The following KCNH7 variants were observed in gnomAD, a reference collection of about 807,000 sequenced individuals.
The protein encoded by KCNH7 is voltage-gated inwardly rectifying potassium channel KCNH7.
A neutral mutation model predicts 120.8 loss-of-function variants in KCNH7; 49 were observed. That is an observed-to-expected ratio of 0.41 (90% CI 0.32 to 0.51). KCNH7 has a LOEUF of 0.51. Ranked by LOEUF, KCNH7 falls within the 20% of genes least tolerant of loss-of-function variation. The pLI is 0.38. For missense variants in KCNH7, 1,097 were observed against 1,446.6 expected, an observed-to-expected ratio of 0.76 and a Z score of 3.92; for synonymous variants, 547 against 516.1, an observed-to-expected ratio of 1.06 and a Z score of -0.81.
chr2:162,660,915 C>T (rs1684936774), intron 2 of KCNH7, among the ~76,000 whole-genome samples: 1 of 152,056 alleles, frequency 6.6e-6, no homozygotes, highest in South Asian at 2.1e-4. Context: ...CCAGTAGACC[C>T]CAGTATTGTC....
intron 9 of KCNH7, among the ~76,000 whole-genome samples, chr2:162,412,788 T>A (rs1687429087): frequency 6.6e-6 from 1 of 152,192 alleles, no homozygotes; most frequent in Admixed American, 6.5e-5. Flanking sequence ...AAGTGTCGTA[T>A]AATCACATAT....
intron 10 of KCNH7, among the ~76,000 whole-genome samples, chr2:162,397,307 C>T (rs1442954006): frequency 6.6e-6 from 1 of 151,602 alleles, no homozygotes; most frequent in Non-Finnish European, 1.5e-5. Context: ...ATGAGAAAGG[C>T]TGCAGTGAGT....
chr2:162,418,888 G>A (rs765966889), intron 9 of KCNH7, among the ~76,000 whole-genome samples: 2 of 151,826 alleles, frequency 1.3e-5, no homozygotes, highest in African/African-American at 2.4e-5. Flanking sequence ...TTGTTCATAG[G>A]GTCCATTACA....
At chr2:162,724,408 C>T (rs1017651396) in intron 2 of KCNH7, among the ~76,000 whole-genome samples, 14 of 152,084 alleles carry the variant, frequency 9.2e-5, no homozygotes, top group Admixed American at 2.6e-4. Context: ...CGCGGTGGCT[C>T]ACGCCTGTAA....
chr2:162,690,880 A>G (rs2105328183), intron 2 of KCNH7, among the ~76,000 whole-genome samples: 1 of 152,284 alleles, frequency 6.6e-6, no homozygotes, highest in Non-Finnish European at 1.5e-5. Flanking sequence ...GCACTATCCC[A>G]TGTGCTGGAA....
At chr2:162,795,882 A>G (rs1392634778) in intron 2 of KCNH7, 1 of 152,096 alleles carries the variant, frequency 6.6e-6, no homozygotes. Context: ...CATCCTATGT[A>G]CACAGAATTA....
chr2:162,703,684 A>G (rs1686594256), intron 2 of KCNH7, among the ~76,000 whole-genome samples: 2 of 152,186 alleles, frequency 1.3e-5, no homozygotes, highest in African/African-American at 4.8e-5. Context: ...ATTAAAAAAT[A>G]CAGAAGCATA....
intron 2 of KCNH7, among the ~76,000 whole-genome samples, chr2:162,732,254 C>G (rs529224796): frequency 2.9e-4 from 44 of 152,228 alleles, no homozygotes; most frequent in African/African-American, 1.0e-3. Context: ...AGGGGACATT[C>G]GACTCATGAC....
At chr2:162,726,105 G>C (rs1249396173) in intron 2 of KCNH7, among the ~76,000 whole-genome samples, 3 of 152,008 alleles carry the variant, frequency 2.0e-5, no homozygotes, top group Non-Finnish European at 4.4e-5. Flanking sequence ...TATCTCTTTT[G>C]ATCTATAGAT....
chr2:162,400,139 A>G (rs1270605846), intron 10 of KCNH7, 50 bp downstream of exon 10: 2 of 1,589,744 alleles, frequency 1.3e-6, no homozygotes, highest in Non-Finnish European at 1.7e-6. Flanking sequence ...TAAACTATGC[A>G]TTACAAGCTA....
At chr2:162,755,999 G>A (rs1688775343) in intron 2 of KCNH7, among the ~76,000 whole-genome samples, 1 of 152,020 alleles carries the variant, frequency 6.6e-6, no homozygotes, top group South Asian at 2.1e-4. Flanking sequence ...AGAGAAACAA[G>A]TGATATTTTT....
intron 2 of KCNH7, among the ~76,000 whole-genome samples, chr2:162,669,747 C>A (rs984047600): frequency 6.6e-6 from 1 of 152,144 alleles, no homozygotes; most frequent in Admixed American, 6.6e-5. Context: ...CAGCCCCCCA[C>A]CCAAAGAATT....
chr2:162,589,949 T>C (rs1694153249), intron 2 of KCNH7, among the ~76,000 whole-genome samples: 1 of 152,060 alleles, frequency 6.6e-6, no homozygotes, highest in South Asian at 2.1e-4. Flanking sequence ...AACCGACATA[T>C]TGAGGAATGA....
chr2:162,770,499 A>G (rs564781898), intron 2 of KCNH7, among the ~76,000 whole-genome samples: 58 of 152,100 alleles, frequency 3.8e-4, no homozygotes, highest in African/African-American at 1.4e-3. Context: ...CTTTGGGTCA[A>G]ACGTCTAACC....
At chr2:162,403,605 T>A (rs1687124033) in intron 9 of KCNH7, among the ~76,000 whole-genome samples, 1 of 151,974 alleles carries the variant, frequency 6.6e-6, no homozygotes, top group South Asian at 2.1e-4. Context: ...TTGGAAAGGA[T>A]AACATCAAGT....
chr2:162,586,785 T>C (rs554403687), intron 2 of KCNH7, among the ~76,000 whole-genome samples: 1 of 151,934 alleles, frequency 6.6e-6, no homozygotes, highest in South Asian at 2.1e-4. Flanking sequence ...AATTTCTTAG[T>C]ATAAATAATT....
intron 2 of KCNH7, among the ~76,000 whole-genome samples, chr2:162,561,521 C>T (rs935013314): frequency 2.0e-5 from 3 of 152,170 alleles, no homozygotes; most frequent in Admixed American, 2.0e-4. Flanking sequence ...AGTGTAAAAG[C>T]ATTCCTATTT....
At chr2:162,394,310 A>G in intron 12 of KCNH7, 79 bp downstream of exon 12, 1 of 846,206 alleles carries the variant, frequency 1.2e-6, no homozygotes, top group South Asian at 1.4e-5. Context: ...TCTTGAAGTC[A>G]GAAGTAAAAT....
At chr2:162,750,181 G>C (rs1444059961) in intron 2 of KCNH7, among the ~76,000 whole-genome samples, 1 of 129,140 alleles carries the variant, frequency 7.7e-6, no homozygotes, top group Non-Finnish European at 1.5e-5. Context: ...ATCGGCATTA[G>C]CTTCAAGTGG....
Sources: gnomAD v4.1 joint callset for allele counts (sites outside exome capture counted in the v4.1 genomes callset) on GRCh38, gnomAD v4.1.1 for gene constraint, MANE v1.5 for transcripts, NCBI Gene and HGNC (gene_info 2026-07-23, HGNC 2026-07-21) for gene names.